The following DCUN1D4 variants were observed in gnomAD, a reference collection of about 807,000 sequenced individuals.
The protein encoded by DCUN1D4 is DCN1-like protein 4.
Under a neutral mutation model 47.9 loss-of-function variants are expected in DCUN1D4, and 22 were observed. The ratio of observed to expected loss-of-function variants is 0.46; its 90% CI spans 0.33 to 0.66. The LOEUF (loss-of-function observed/expected upper bound fraction) is 0.66, where lower values mean the gene tolerates loss of function less well. Ranked by LOEUF, DCUN1D4 falls within the 30% of genes least tolerant of loss-of-function variation. DCUN1D4 has a pLI of 0.02. For synonymous variants in DCUN1D4, 121 were observed against 112.2 expected, an observed-to-expected ratio of 1.08 and a Z score of -0.50; for missense variants, 301 against 340.8, an observed-to-expected ratio of 0.88 and a Z score of 0.92.
chr4:51,896,188 CAAG>C (rs1731236494), intron 7 of DCUN1D4, among the ~76,000 whole-genome samples: 1 of 152,202 alleles, frequency 6.6e-6, no homozygotes, highest in Non-Finnish European at 1.5e-5. Flanking sequence ...GTTTAAAGCA[CAAG>C]AACTGTTCAT....
intron 3 of DCUN1D4, among the ~76,000 whole-genome samples, chr4:51,867,430 C>A (rs1726137393): frequency 1.3e-5 from 2 of 152,196 alleles, no homozygotes; most frequent in South Asian, 4.1e-4. Context: ...GAGTTCTTGT[C>A]CCGCATCCAG....
At chr4:51,844,953 G>C in intron 1 of DCUN1D4, 1 of 985,478 alleles carries the variant, frequency 1.0e-6, no homozygotes, top group Non-Finnish European at 1.2e-6. Context: ...TCCCAGGGAC[G>C]GAGCGACTCC....
At chr4:51,895,328 G>C (rs1731075478) in intron 7 of DCUN1D4, among the ~76,000 whole-genome samples, 1 of 151,926 alleles carries the variant, frequency 6.6e-6, no homozygotes, top group Admixed American at 6.6e-5. Flanking sequence ...CTTAAACTAG[G>C]GTGGTGAAGT....
At chr4:51,907,006 AGGC>A (rs1732992456) in intron 8 of DCUN1D4, among the ~76,000 whole-genome samples, 1 of 152,226 alleles carries the variant, frequency 6.6e-6, no homozygotes, top group South Asian at 2.1e-4. Flanking sequence ...TTTAAGTGTA[AGGC>A]ACTTAGAACA....
chr4:51,858,710 A>G (rs1425831660), intron 1 of DCUN1D4, among the ~76,000 whole-genome samples: 3 of 152,262 alleles, frequency 2.0e-5, no homozygotes, highest in Admixed American at 2.0e-4. Flanking sequence ...CACACATAGT[A>G]TAACATTTTA....
intron 1 of DCUN1D4, 150 bp downstream of exon 1, chr4:51,843,417 GCGGGCGGTGACGCT>G: frequency 7.8e-7 from 1 of 1,282,336 alleles, no homozygotes; most frequent in Non-Finnish European, 1.0e-6. Context: ...CGGGGCCGGG[GCGGGCGGTGACGCT>G]GCGGGCGGCG....
chr4:51,845,867 C>T (rs1722464241), intron 1 of DCUN1D4, among the ~76,000 whole-genome samples: 2 of 151,994 alleles, frequency 1.3e-5, no homozygotes, highest in African/African-American at 2.4e-5. Context: ...GTGTGGTGTT[C>T]TTGTGGAGAT....
chr4:51,841,976 T>A (rs1311015570), upstream of DCUN1D4, among the ~76,000 whole-genome samples: 2 of 5,668 alleles, frequency 3.5e-4, no homozygotes, highest in Non-Finnish European at 6.7e-4. Context: ...GGAGGCAGGG[T>A]AGGGTGGGGG....
chr4:51,905,122 A>G, intron 8 of DCUN1D4: 1 of 440,806 alleles, frequency 2.3e-6, no homozygotes. Context: ...CCAATTTAAA[A>G]TAGTACTTGG....
rs968389374 is a variant in DCUN1D4, at chr4:51,913,138, C to A, written c.721-152C>A. On this transcript the variant is annotated intron_variant, in intron 9 of 10. Transcript: ENST00000334635. Reference sequence around the variant, plus strand: ...ATCTTAAATTCTACTCTTGCTCTCCCTCACCATCCTCCTAGATTGGTGCTT... The same window carrying A: ...ATCTTAAATTCTACTCTTGCTCTCCATCACCATCCTCCTAGATTGGTGCTT... 38 of 469,494 alleles carry A rather than the reference C, an allele frequency of 8.1e-5. No homozygotes were observed. The South Asian group carries it at 2.0e-3, about 24-fold the overall frequency. The allele number at this position is 469,494 out of a possible 1,614,324, so 29.1% of individuals were successfully genotyped here. A position where few individuals can be genotyped will look rare whatever the true frequency, so the allele number is the denominator to read the frequency against.
chr4:51,838,999 C>T (rs1297209228), upstream of DCUN1D4, among the ~76,000 whole-genome samples: 1 of 152,090 alleles, frequency 6.6e-6, no homozygotes, highest in Non-Finnish European at 1.5e-5. Context: ...CACTTGAACC[C>T]AGGAGGCAGA....
At chr4:51,834,038 GTCTT>G in the DCUN1D4 span, among the ~76,000 whole-genome samples, 26 of 87,836 alleles carry the variant, frequency 3.0e-4, 1 homozygote, top group Admixed American at 9.3e-4. Flanking sequence ...TTTGTTAGGA[GTCTT>G]TCTCTCTCTC....
At chr4:51,904,068 G>C (rs972786229) in intron 8 of DCUN1D4, among the ~76,000 whole-genome samples, 3 of 151,786 alleles carry the variant, frequency 2.0e-5, no homozygotes, top group African/African-American at 7.3e-5. Flanking sequence ...TGGATATTAT[G>C]AATTTTAGGT....
At chr4:51,895,544 T>C (rs1731112395) in intron 7 of DCUN1D4, among the ~76,000 whole-genome samples, 1 of 121,284 alleles carries the variant, frequency 8.2e-6, no homozygotes, top group Admixed American at 1.0e-4. Context: ...TTAAGCTAAT[T>C]GTGGTGCTTA....
At chr4:51,870,480 G>T (rs1726713671) in intron 3 of DCUN1D4, among the ~76,000 whole-genome samples, 1 of 151,818 alleles carries the variant, frequency 6.6e-6, no homozygotes, top group African/African-American at 2.4e-5. Flanking sequence ...TTACTCATAG[G>T]TGTTTTAAGT....
rs1196461343 is a variant in DCUN1D4, at chr4:51,915,974, A to G, written c.*2390A>G. 2 of 152,168 alleles carry G rather than the reference A, an allele frequency of 1.3e-5. No homozygotes were observed. The highest frequency in any genetic ancestry group is 6.6e-5 in the Admixed American group (1 of 15,240). 9.4% of individuals were successfully genotyped at this position (152,168 alleles called of 1,614,324 possible). On this transcript the variant is annotated 3_prime_UTR_variant, in exon 11 of 11. Coordinates refer to ENST00000334635, the MANE Select transcript of DCUN1D4 (RefSeq NM_001040402.3). ...TTACCCTTGATTGTCTTGATTTTATATATTTATTTCTAAGGGGAGAAAAAG... is the reference window on the plus strand; with the variant it reads ...TTACCCTTGATTGTCTTGATTTTATGTATTTATTTCTAAGGGGAGAAAAAG...
intron 4 of DCUN1D4, chr4:51,875,318 T>C (rs897503697): frequency 3.3e-5 from 5 of 152,242 alleles, no homozygotes; most frequent in Non-Finnish European, 2.9e-5. Flanking sequence ...ACTTTGATAC[T>C]TTTTTGGTGG....
rs150836139 is a variant in DCUN1D4 at position 51,867,976 on chromosome 4, T to C, written c.136+4267T>C. Among the ~76,000 whole-genome samples, 432 of 152,328 alleles carry C rather than the reference T, an allele frequency of 2.8e-3. 3 individuals are homozygous for C. The highest frequency in any genetic ancestry group is 9.7e-3 in the African/African-American group (404 of 41,582). ...CCCCCCTCGGCTTCCCCCTCGTGCTTGTTGGTGCCCAAAGTTTGAAGGGGG... is the reference window on the plus strand; with the variant it reads ...CCCCCCTCGGCTTCCCCCTCGTGCTCGTTGGTGCCCAAAGTTTGAAGGGGG... On this transcript the variant is annotated intron_variant, in intron 3 of 10. Coordinates refer to ENST00000334635, the MANE Select transcript of DCUN1D4 (RefSeq NM_001040402.3).
chr4:51,889,854 C>A (rs1278112097), intron 6 of DCUN1D4, among the ~76,000 whole-genome samples: 1 of 152,140 alleles, frequency 6.6e-6, no homozygotes, highest in Non-Finnish European at 1.5e-5. Context: ...TTTTAAGTCA[C>A]CACTTTAACC....
Sources: gnomAD v4.1 joint callset for allele counts (sites outside exome capture counted in the v4.1 genomes callset) on GRCh38, gnomAD v4.1.1 for gene constraint, MANE v1.5 for transcripts, NCBI Gene and HGNC (gene_info 2026-07-23, HGNC 2026-07-21) for gene names.